SNTG2: variants seen among roughly 807,000 people sequenced by gnomAD.
The protein encoded by SNTG2 is gamma-2-syntrophin.
In SNTG2, 74 loss-of-function variants were observed where a neutral mutation model predicts 70.9. That is an observed-to-expected ratio of 1.04 (90% confidence interval 0.86 to 1.27). SNTG2 has a LOEUF of 1.27. Ranked by LOEUF, SNTG2 falls within the 50% of genes most tolerant of loss-of-function variation. The probability of loss-of-function intolerance (pLI) is 0.00; values close to 1 mark genes in which losing one functional copy is unlikely to be tolerated. For synonymous variants in SNTG2, 278 were observed against 273.8 expected (o/e 1.02, Z -0.15); for missense variants, 717 against 690.7 (o/e 1.04, Z -0.43).
In SNTG2 at chr2:1,132,451, C is replaced by G. The variant is rs528751188; in HGVS notation, c.326-5171C>G. Among the ~76,000 whole-genome samples, 153 of 152,292 alleles carry G rather than the reference C, an allele frequency of 1.0e-3. 2 individuals carry two copies. In the South Asian group the frequency reaches 0.019, roughly 19 times the overall value. On this transcript the variant is annotated intron_variant, in intron 4 of 16. Transcript: ENST00000308624. ...CACCCCAGCTGCTCTTGTTTCGACA[C>G]CACGCAGACTACTTGTAAAGAAAAA...
In SNTG2 at chr2:1,312,796, T is replaced by G. The variant is rs537473303; in HGVS notation, c.1378-3469T>G. ...GCCCCCATGGGACCTGCTCCTTAGC[T>G]AGGAACAGGATTCCTGTGGGGCTGA... On this transcript the variant is annotated intron_variant, in intron 15 of 16. Transcript: ENST00000308624. Among the ~76,000 whole-genome samples the G allele has an allele frequency of 2.0e-5, 3 of 152,328 alleles. 1 individual carries two copies. The South Asian group carries it at 6.2e-4, about 32-fold the overall frequency.
chr2:1,221,459 GTCTCTGTC>G (rs1674826510), intron 9 of SNTG2, among the ~76,000 whole-genome samples: 1 of 96,030 alleles, frequency 1.0e-5, no homozygotes, highest in Non-Finnish European at 2.1e-5. Context: ...GTCTCTCTCT[GTCTCTGTC>G]TCTCTGTCTC....
intron 13 of SNTG2, among the ~76,000 whole-genome samples, chr2:1,264,558 C>T (rs1470512785): frequency 6.6e-6 from 1 of 152,232 alleles, no homozygotes; most frequent in African/African-American, 2.4e-5. Context: ...GTTTGCTGTG[C>T]ACCACAGATT....
Position 1,083,632 on chromosome 2 carries a change from G to C in SNTG2, c.187G>C (p.Gly63Arg). ...TCAGAAACAAGATGTTGTCTGTGTGGGCGGAAGCCACCAGGGCAGGAATGT... is the reference window on the plus strand; with the variant it reads ...TCAGAAACAAGATGTTGTCTGTGTGCGCGGAAGCCACCAGGGCAGGAATGT... ...TIQKQDVVCV[G>R]GSHQGRNRRT... The change falls in exon 2 of 17, where the codon GGC becomes CGC. Residue 63 changes from glycine to arginine, a missense_variant. Physicochemically the swap from Gly to Arg is moderately radical, Grantham distance 125. Coordinates refer to ENST00000308624, the MANE Select transcript of SNTG2 (RefSeq NM_018968.4). 1 of 1,613,724 alleles carries C rather than the reference G, an allele frequency of 6.2e-7. No individual in the cohort carries two copies. Among genetic ancestry groups the C allele is most frequent in the Non-Finnish European group, 8.5e-7 (1 of 1,179,700 alleles).
chr2:1,153,588 T>TA (rs1669662944), intron 6 of SNTG2, among the ~76,000 whole-genome samples: 2 of 152,220 alleles, frequency 1.3e-5, no homozygotes, highest in Non-Finnish European at 2.9e-5. Flanking sequence ...CGGAAAAGCT[T>TA]AAATGCACTT....
intron 8 of SNTG2, among the ~76,000 whole-genome samples, chr2:1,190,533 A>G (rs903356990): frequency 1.9e-5 from 2 of 107,910 alleles, no homozygotes; most frequent in East Asian, 6.5e-4. Context: ...ATATATATAT[A>G]TATATATGAC....
intron 11 of SNTG2, among the ~76,000 whole-genome samples, chr2:1,244,695 C>CAAG (rs1677300924): frequency 1.1e-5 from 1 of 88,618 alleles, no homozygotes; most frequent in Admixed American, 1.2e-4. Flanking sequence ...GACTCCATCT[C>CAAG]AAAAAAAAAA....
At chr2:1,089,761 C>T (rs1382670848) in intron 2 of SNTG2, among the ~76,000 whole-genome samples, 1 of 152,228 alleles carries the variant, frequency 6.6e-6, no homozygotes, top group Non-Finnish European at 1.5e-5. Context: ...AATCTAACAG[C>T]AAAGACAGTT....
intron 12 of SNTG2, among the ~76,000 whole-genome samples, chr2:1,251,592 C>T (rs1397816525): frequency 6.7e-6 from 1 of 148,642 alleles, no homozygotes. Flanking sequence ...GCACATACCA[C>T]ACACACCACA....
intron 1 of SNTG2, among the ~76,000 whole-genome samples, chr2:1,003,960 C>T (rs59380056): frequency 0.087 from 13,165 of 152,126 alleles, 755 homozygotes; most frequent in South Asian, 0.21. Flanking sequence ...TCTGAAATCC[C>T]CATGCAAACT....
At chr2:1,215,118 C>T (rs1014497808) in intron 9 of SNTG2, among the ~76,000 whole-genome samples, 2 of 152,118 alleles carry the variant, frequency 1.3e-5, no homozygotes, top group Non-Finnish European at 2.9e-5. Flanking sequence ...TTTTAATGTG[C>T]TATTGAATTC....
At chr2:1,177,219 TA>T (rs1432616686) in intron 8 of SNTG2, among the ~76,000 whole-genome samples, 1 of 152,014 alleles carries the variant, frequency 6.6e-6, no homozygotes, top group African/African-American at 2.4e-5. Flanking sequence ...CTCAGCAAAA[TA>T]AGGCAGGAAC....
intron 4 of SNTG2, among the ~76,000 whole-genome samples, chr2:1,116,963 G>A (rs1221254450): frequency 8.9e-5 from 12 of 134,110 alleles, no homozygotes; most frequent in African/African-American, 2.3e-4. Flanking sequence ...GGTGCCTGGC[G>A]TGTGGGTGCT....
chr2:1,056,138 G>T (rs1006198430), intron 1 of SNTG2, among the ~76,000 whole-genome samples: 1 of 151,888 alleles, frequency 6.6e-6, no homozygotes, highest in African/African-American at 2.4e-5. Context: ...CCAAGAGCAC[G>T]GGGAGGACTC....
At chr2:1,263,305 A>G (rs1678544951) in intron 13 of SNTG2, among the ~76,000 whole-genome samples, 1 of 152,200 alleles carries the variant, frequency 6.6e-6, no homozygotes, top group Admixed American at 6.5e-5. Flanking sequence ...ATATGTACAA[A>G]TTCACATTGC....
chr2:1,243,191 G>T (rs1677160238), intron 11 of SNTG2, among the ~76,000 whole-genome samples: 1 of 152,178 alleles, frequency 6.6e-6, no homozygotes, highest in African/African-American at 2.4e-5. Context: ...GCCAACAGTA[G>T]CTCTTTATTC....
chr2:1,239,778 T>C lies in SNTG2; in HGVS notation c.888+2T>C, dbSNP rs760681509. ...AAATGCTGCTCTCCTTCCGACCAGG[T>C]AGGGTTTGTATTTTCTGCTTCATGA... is the stretch of plus-strand genomic sequence containing the variant. On this transcript the variant is annotated splice_donor_variant, in intron 11 of 16. Coordinates refer to ENST00000308624, the MANE Select transcript of SNTG2 (RefSeq NM_018968.4). LOFTEE classifies it high-confidence loss of function. 59 of 1,612,930 alleles carry C rather than the reference T, an allele frequency of 3.7e-5. No individual in the cohort carries two copies. The highest frequency in any genetic ancestry group is 4.8e-5 in the Non-Finnish European group (57 of 1,179,620).
chr2:1,035,446 T>A (rs1343551763), intron 1 of SNTG2, among the ~76,000 whole-genome samples: 3 of 152,344 alleles, frequency 2.0e-5, no homozygotes, highest in South Asian at 2.1e-4. Context: ...TATCTGAATC[T>A]TTTGTACCGC....
chr2:1,200,432 A>G (rs1673206595), intron 8 of SNTG2, among the ~76,000 whole-genome samples: 1 of 152,002 alleles, frequency 6.6e-6, no homozygotes, highest in Non-Finnish European at 1.5e-5. Flanking sequence ...TAAACATAGT[A>G]GAAACACTTC....
Sources: gnomAD v4.1 joint callset for allele counts (sites outside exome capture counted in the v4.1 genomes callset) on GRCh38, gnomAD v4.1.1 for gene constraint, MANE v1.5 for transcripts, NCBI Gene and HGNC (gene_info 2026-07-23, HGNC 2026-07-21) for gene names.